MAML3: variants seen among roughly 807,000 people sequenced by gnomAD.
MAML3 encodes mastermind-like protein 3.
In MAML3, 27 loss-of-function variants were observed where a neutral mutation model predicts 101.9. That is an observed-to-expected ratio of 0.27 (90% CI 0.20 to 0.37). The LOEUF is 0.37. Ranked by LOEUF, MAML3 falls within the 10% of genes least tolerant of loss-of-function variation. MAML3 has a pLI of 1.00. For missense variants in MAML3, 1,316 were observed against 1,444.9 expected (o/e 0.91, Z 1.45); for synonymous variants, 501 against 555.9 (o/e 0.90, Z 1.39).
chr4:139,776,738 C>G (rs559545694), intron 2 of MAML3, among the ~76,000 whole-genome samples: 4 of 118,104 alleles, frequency 3.4e-5, no homozygotes, highest in Admixed American at 2.6e-4. Flanking sequence ...GGTCACAGGG[C>G]CAAGGATCAG....
chr4:140,043,695 T>C (rs1021858246), intron 1 of MAML3, among the ~76,000 whole-genome samples: 3 of 152,196 alleles, frequency 2.0e-5, no homozygotes, highest in Non-Finnish European at 4.4e-5. Context: ...ATTTCAATCT[T>C]ATCAATCGTG....
At position 140,099,263 on chromosome 4, in the gene MAML3, GCACA is replaced by G. The variant is rs1014783712; in HGVS notation, c.468+53593_468+53596del. Reference sequence around the variant, plus strand: ...CACACACACACACACACACACACGTGCACACAAACAACTCAGGAGCAAAACTTTT... The same window carrying G: ...CACACACACACACACACACACACGTGCAAACAACTCAGGAGCAAAACTTTT... On this transcript the variant is annotated intron_variant, in intron 1 of 4. Coordinates refer to ENST00000509479, the MANE Select transcript of MAML3 (RefSeq NM_018717.5). Among the ~76,000 whole-genome samples the G allele has an allele frequency of 3.4e-5, 5 of 149,198 alleles. No individual in the cohort carries two copies. In the South Asian group the frequency reaches 8.4e-4, roughly 25 times the overall value.
chr4:139,825,515 C>T (rs1389300215), intron 2 of MAML3, among the ~76,000 whole-genome samples: 2 of 152,064 alleles, frequency 1.3e-5, no homozygotes, highest in Non-Finnish European at 1.5e-5. Flanking sequence ...GGCCAGATTC[C>T]GTGGCCATGT....
At chr4:139,757,493 T>C (rs537628729) in intron 2 of MAML3, among the ~76,000 whole-genome samples, 2 of 151,932 alleles carry the variant, frequency 1.3e-5, no homozygotes, top group South Asian at 4.2e-4. Flanking sequence ...CTACTAAAAA[T>C]ACAAAAATTA....
Position 139,864,931 on chromosome 4 carries a change from T to TTG in MAML3, c.2079+24425_2079+24426insCA, listed in dbSNP as rs1560818188. Among the ~76,000 whole-genome samples the TTG allele has an allele frequency of 4.2e-4, 58 of 139,580 alleles. 1 individual carries two copies. Among genetic ancestry groups the TTG allele is most frequent in the Non-Finnish European group, 7.7e-4 (50 of 64,638 alleles). 91.6% of individuals were successfully genotyped at this position (139,580 alleles called of 152,430 possible). On this transcript the variant is annotated intron_variant, in intron 2 of 4. Coordinates refer to ENST00000509479, the MANE Select transcript of MAML3 (RefSeq NM_018717.5). Reference sequence around the variant, plus strand: ...ATAGTAATGCAAACTTGCTTTTTTTTTTTTTTTTTTTTTTTTTTTTTTGCC... The same window carrying TTG: ...ATAGTAATGCAAACTTGCTTTTTTTTTGTTTTTTTTTTTTTTTTTTTTTTGCC...
chr4:140,097,355 G>C (rs1324480368), intron 1 of MAML3, among the ~76,000 whole-genome samples: 2 of 152,114 alleles, frequency 1.3e-5, no homozygotes, highest in Admixed American at 1.3e-4. Flanking sequence ...CCTCATCTCA[G>C]CTCCTTCAGT....
chr4:139,903,689 T>G (rs957179428), intron 1 of MAML3, among the ~76,000 whole-genome samples: 1 of 152,236 alleles, frequency 6.6e-6, no homozygotes, highest in Non-Finnish European at 1.5e-5. Context: ...GGTGTTCTTA[T>G]AAGAAGATAA....
chr4:139,772,056 G>T (rs573474031), intron 2 of MAML3, among the ~76,000 whole-genome samples: 2 of 150,944 alleles, frequency 1.3e-5, no homozygotes, highest in Non-Finnish European at 3.0e-5. Context: ...TGGCTAACAC[G>T]GTGAAACCCC....
intron 1 of MAML3, among the ~76,000 whole-genome samples, chr4:140,082,854 C>T (rs1475492906): frequency 2.6e-5 from 4 of 151,968 alleles, no homozygotes; most frequent in African/African-American, 9.7e-5. Context: ...ACCAGTAGCC[C>T]TAAATTCAAA....
intron 2 of MAML3, among the ~76,000 whole-genome samples, chr4:139,831,794 C>T (rs916953174): frequency 1.4e-4 from 20 of 146,810 alleles, no homozygotes; most frequent in Admixed American, 6.0e-4. Context: ...ATCCCTCTCA[C>T]TCTTTTTTTT....
chr4:139,851,138 T>C (rs1731539883), intron 2 of MAML3, among the ~76,000 whole-genome samples: 1 of 152,194 alleles, frequency 6.6e-6, no homozygotes, highest in East Asian at 1.9e-4. Flanking sequence ...TACCAATGGT[T>C]TTATAATCTT....
chr4:140,094,941 A>G (rs907157610), intron 1 of MAML3, among the ~76,000 whole-genome samples: 3 of 152,218 alleles, frequency 2.0e-5, no homozygotes, highest in African/African-American at 7.2e-5. Flanking sequence ...TGTGCGTGGC[A>G]GCCCAGTGGA....
At chr4:140,134,331 G>A (rs1216258846) in intron 1 of MAML3, 2 of 456,708 alleles carry the variant, frequency 4.4e-6, no homozygotes, top group Non-Finnish European at 8.8e-6. Context: ...ACCAAGTCAA[G>A]CGAGGCAAGT....
At chr4:140,097,182 T>A (rs373691205) in intron 1 of MAML3, among the ~76,000 whole-genome samples, 26 of 152,290 alleles carry the variant, frequency 1.7e-4, no homozygotes, top group African/African-American at 6.3e-4. Context: ...TCCCCATCCA[T>A]GCAAAACACA....
chr4:139,808,358 A>C (rs1578611154), intron 2 of MAML3, among the ~76,000 whole-genome samples: 1 of 152,190 alleles, frequency 6.6e-6, no homozygotes, highest in African/African-American at 2.4e-5. Context: ...GGTGTATATC[A>C]CCGGCCTGTG....
At chr4:140,105,724 G>GA (rs1284824260) in intron 1 of MAML3, among the ~76,000 whole-genome samples, 5 of 152,042 alleles carry the variant, frequency 3.3e-5, no homozygotes, top group Middle Eastern at 6.8e-3. Context: ...GGACATGGAG[G>GA]AAAAAAACAA....
At chr4:139,989,765 C>T (rs1003582208) in intron 1 of MAML3, among the ~76,000 whole-genome samples, 6 of 151,502 alleles carry the variant, frequency 4.0e-5, no homozygotes, top group Admixed American at 1.3e-4. Context: ...ATATTCATGC[C>T]GTAGCCAGTA....
chr4:139,910,909 AT>A (rs1732904220), intron 1 of MAML3, among the ~76,000 whole-genome samples: 1 of 152,230 alleles, frequency 6.6e-6, no homozygotes, highest in Admixed American at 6.5e-5. Context: ...AAAATTTACC[AT>A]CTTAGCCATT....
At chr4:140,045,907 T>A (rs929879650) in intron 1 of MAML3, among the ~76,000 whole-genome samples, 3 of 152,172 alleles carry the variant, frequency 2.0e-5, no homozygotes, top group Non-Finnish European at 4.4e-5. Context: ...CGTGGCCTAG[T>A]CTTCTAGGGT....
Sources: allele counts gnomAD v4.1 joint callset (sites outside exome capture counted in the v4.1 genomes callset), GRCh38; gene constraint gnomAD v4.1.1; transcripts MANE v1.5; gene names NCBI Gene and HGNC (gene_info 2026-07-23, HGNC 2026-07-21).